CLNK: variants seen among roughly 807,000 people sequenced by gnomAD.
The protein encoded by CLNK is cytokine-dependent hematopoietic cell linker.
In CLNK, 74 loss-of-function variants were observed where a neutral mutation model predicts 68.6. That is an observed-to-expected ratio of 1.08 (90% CI 0.89 to 1.31). CLNK has a LOEUF of 1.31. Among genes scored for constraint, CLNK ranks in the 50% most tolerant of loss-of-function variants. The probability of loss-of-function intolerance (pLI) is 0.00; values close to 1 mark genes in which losing one functional copy is unlikely to be tolerated. For missense variants in CLNK, 553 were observed against 515.3 expected, an observed-to-expected ratio of 1.07 and a Z score of -0.71; for synonymous variants, 198 against 172.2, an observed-to-expected ratio of 1.15 and a Z score of -1.17.
chr4:10,492,764 G>T (rs971207119), intron 18 of CLNK, among the ~76,000 whole-genome samples: 1 of 152,180 alleles, frequency 6.6e-6, no homozygotes, highest in East Asian at 1.9e-4. Flanking sequence ...GGATAAAAAC[G>T]TGGGGAAAGA....
chr4:10,621,780 G>C (rs1242344141), intron 2 of CLNK, among the ~76,000 whole-genome samples: 1 of 152,142 alleles, frequency 6.6e-6, no homozygotes, highest in Non-Finnish European at 1.5e-5. Flanking sequence ...CTTTCTTTGT[G>C]TGCTGTGGAA....
chr4:10,674,170 C>A (rs1046943039), intron 1 of CLNK, among the ~76,000 whole-genome samples: 3 of 152,066 alleles, frequency 2.0e-5, no homozygotes, highest in Admixed American at 2.0e-4. Flanking sequence ...CAAGAGGAGA[C>A]CACACCCTAC....
chr4:10,560,213 C>G (rs12512937), intron 7 of CLNK, among the ~76,000 whole-genome samples: 2 of 152,192 alleles, frequency 1.3e-5, no homozygotes, highest in Non-Finnish European at 2.9e-5. Flanking sequence ...AACTGCCCAT[C>G]TGGGTCACTG....
the CLNK span, among the ~76,000 whole-genome samples, chr4:10,691,137 A>C: frequency 6.6e-6 from 1 of 152,170 alleles, no homozygotes; most frequent in Non-Finnish European, 1.5e-5. Context: ...AGTTCCAAGG[A>C]AGAATTAGCT....
chr4:10,697,946 T>C, the CLNK span, among the ~76,000 whole-genome samples: 1 of 152,220 alleles, frequency 6.6e-6, no homozygotes, highest in East Asian at 1.9e-4. Context: ...TCCATCATCA[T>C]GATCATCAAA....
chr4:10,636,267 A>G (rs1723083123), intron 2 of CLNK, among the ~76,000 whole-genome samples: 1 of 152,212 alleles, frequency 6.6e-6, no homozygotes, highest in Non-Finnish European at 1.5e-5. Context: ...TATGACTTGT[A>G]TCTTTATAAG....
At chr4:10,621,297 G>A (rs1251155900) in intron 2 of CLNK, among the ~76,000 whole-genome samples, 1 of 152,176 alleles carries the variant, frequency 6.6e-6, no homozygotes, top group African/African-American at 2.4e-5. Flanking sequence ...GGATTCTTGA[G>A]GGCAGGGACT....
intron 11 of CLNK, among the ~76,000 whole-genome samples, chr4:10,538,784 G>A (rs1409090728): frequency 6.6e-6 from 1 of 152,158 alleles, no homozygotes; most frequent in East Asian, 1.9e-4. Context: ...TTCCTGGGCT[G>A]GAAGAAACAG....
intron 4 of CLNK, among the ~76,000 whole-genome samples, chr4:10,572,429 A>G (rs562281424): frequency 6.6e-6 from 1 of 152,328 alleles, no homozygotes; most frequent in Admixed American, 6.5e-5. Context: ...GAGCCCACTC[A>G]GTATTCTATG....
intron 11 of CLNK, among the ~76,000 whole-genome samples, chr4:10,538,857 AT>A (rs1236333292): frequency 6.6e-6 from 1 of 152,214 alleles, no homozygotes; most frequent in Non-Finnish European, 1.5e-5. Context: ...GCCCAAGGTA[AT>A]AAAAGTGCAA....
At chr4:10,558,052 C>T (rs919414900) in intron 8 of CLNK, among the ~76,000 whole-genome samples, 8 of 152,192 alleles carry the variant, frequency 5.3e-5, no homozygotes, top group African/African-American at 1.9e-4. Flanking sequence ...ATTAATTAAT[C>T]AATGTTTTAA....
the CLNK span, among the ~76,000 whole-genome samples, chr4:10,724,463 G>A: frequency 4.3e-4 from 63 of 147,288 alleles, no homozygotes; most frequent in Non-Finnish European, 8.2e-4. Context: ...CGCCACTCTT[G>A]ATATTACATT....
intron 1 of CLNK, among the ~76,000 whole-genome samples, chr4:10,670,711 TA>T (rs34661694): frequency 0.34 from 51,191 of 151,530 alleles, 8,714 homozygotes; most frequent in East Asian, 0.45. Flanking sequence ...ATAGTTTCAT[TA>T]AAAAAAAATA....
chr4:10,695,757 G>C, the CLNK span, among the ~76,000 whole-genome samples: 2 of 152,172 alleles, frequency 1.3e-5, no homozygotes, highest in Admixed American at 6.5e-5. Flanking sequence ...GACGGAAGAG[G>C]AGAGGCATTT....
intron 8 of CLNK, among the ~76,000 whole-genome samples, chr4:10,546,102 GAT>G (rs1719220507): frequency 6.6e-6 from 1 of 152,136 alleles, no homozygotes; most frequent in African/African-American, 2.4e-5. Context: ...TGTCTTGAGG[GAT>G]AGCATCTAGC....
intron 12 of CLNK, chr4:10,531,568 C>A: frequency 5.9e-6 from 2 of 338,234 alleles, no homozygotes; most frequent in Admixed American, 7.8e-5. Context: ...TCCCGAGTAG[C>A]GTGGCTGGGA....
At chr4:10,644,378 C>A (rs138922159) in intron 2 of CLNK, among the ~76,000 whole-genome samples, 264 of 152,294 alleles carry the variant, frequency 1.7e-3, no homozygotes, top group Middle Eastern at 3.4e-3. Flanking sequence ...TCTCTCCTAC[C>A]ACATTCCATG....
chr4:10,690,800 T>C, the CLNK span, among the ~76,000 whole-genome samples: 4 of 152,320 alleles, frequency 2.6e-5, no homozygotes, highest in Admixed American at 2.6e-4. Flanking sequence ...ACTGTCTCCA[T>C]GAGTCCCCTT....
Position 10,566,037 on chromosome 4 carries a change from G to A in CLNK, c.264C>T (p.Ala88=). The stretch of plus-strand genomic sequence containing the variant: ...CATATTCAGATTCCTTTATAGGCCG[G>A]GCTGGTAAAATTTTAATCGACTGCC... ...ETWQSIKILP[A]RPIKESEYAD... is the part of the protein sequence containing the mutation. The change falls in exon 6 of 19, where the codon GCC becomes GCT. Residue 88 remains alanine (A), a synonymous_variant. Transcript: ENST00000226951. The A allele has an allele frequency of 6.2e-7, 1 of 1,613,854 alleles. No individual in the cohort carries two copies. The highest frequency in any genetic ancestry group is 8.5e-7 in the Non-Finnish European group (1 of 1,179,826).
Sources: gnomAD v4.1 joint callset for allele counts (sites outside exome capture counted in the v4.1 genomes callset) on GRCh38, gnomAD v4.1.1 for gene constraint, MANE v1.5 for transcripts, NCBI Gene and HGNC (gene_info 2026-07-23, HGNC 2026-07-21) for gene names.